The following NRG1 variants were observed in gnomAD, a reference collection of about 807,000 sequenced individuals.
NRG1 encodes the protein pro-neuregulin-1, membrane-bound isoform.
In NRG1, 18 loss-of-function variants were observed where a neutral mutation model predicts 63.8. The observed-to-expected ratio is 0.28, with a 90% CI of 0.19 to 0.42. The LOEUF (loss-of-function observed/expected upper bound fraction) is 0.42, where lower values mean the gene tolerates loss of function less well. NRG1 is among the 10% of genes least tolerant of loss of function. The probability of loss-of-function intolerance (pLI) is 1.00; values close to 1 mark genes in which losing one functional copy is unlikely to be tolerated. For synonymous variants in NRG1, 302 were observed against 301.3 expected, an observed-to-expected ratio of 1.00 and a Z score of -0.02; for missense variants, 762 against 814.7, an observed-to-expected ratio of 0.94 and a Z score of 0.79.
intron 5 of NRG1, among the ~76,000 whole-genome samples, chr8:32,681,906 T>G (rs887151336): frequency 6.6e-6 from 1 of 152,184 alleles, no homozygotes; most frequent in African/African-American, 2.4e-5. Context: ...TTTCCAAATC[T>G]CAGTGCAAAA....
At chr8:31,970,729 T>C (rs1000357226) in intron 1 of NRG1, among the ~76,000 whole-genome samples, 1 of 152,144 alleles carries the variant, frequency 6.6e-6, no homozygotes, top group African/African-American at 2.4e-5. Flanking sequence ...GTAGGACTGC[T>C]GTACCCACAG....
chr8:32,582,091 A>ATTTTATTTTATTTTATTTTG (rs1445706862), intron 1 of NRG1, among the ~76,000 whole-genome samples: 3 of 116,814 alleles, frequency 2.6e-5, no homozygotes, highest in South Asian at 3.0e-4. Context: ...ATTTTATTTT[A>ATTTTATTTTATTTTATTTTG]TTTTGTTTTG....
chr8:32,115,304 A>T (rs1832569970), intron 1 of NRG1, among the ~76,000 whole-genome samples: 1 of 151,610 alleles, frequency 6.6e-6, no homozygotes, highest in Non-Finnish European at 1.5e-5. Flanking sequence ...CTGTGTAGAT[A>T]ACTTTTGACG....
intron 1 of NRG1, among the ~76,000 whole-genome samples, chr8:31,701,523 T>A (rs1166464144): frequency 6.6e-6 from 1 of 152,040 alleles, no homozygotes; most frequent in Non-Finnish European, 1.5e-5. Flanking sequence ...ATCCATAACA[T>A]ACAGACCTGA....
At chr8:32,127,799 C>T (rs535948767) in intron 1 of NRG1, among the ~76,000 whole-genome samples, 3 of 151,684 alleles carry the variant, frequency 2.0e-5, no homozygotes, top group South Asian at 4.2e-4. Flanking sequence ...AAGAACATAC[C>T]CTCGCCATTC....
intron 1 of NRG1, among the ~76,000 whole-genome samples, chr8:31,982,148 AT>A (rs1453118199): frequency 1.3e-5 from 2 of 151,952 alleles, no homozygotes; most frequent in Non-Finnish European, 2.9e-5. Context: ...ATAGGCTCTG[AT>A]TAAGATTCTT....
intron 1 of NRG1, among the ~76,000 whole-genome samples, chr8:32,217,641 T>TG (rs1563919384): frequency 6.6e-6 from 1 of 151,886 alleles, no homozygotes; most frequent in East Asian, 1.9e-4. Flanking sequence ...AGAAATCGGG[T>TG]GAAAAAGGAG....
intron 1 of NRG1, among the ~76,000 whole-genome samples, chr8:31,845,152 A>G (rs1291448520): frequency 1.3e-5 from 2 of 152,136 alleles, no homozygotes; most frequent in East Asian, 3.9e-4. Context: ...TAAAACAGCA[A>G]AGCTTCTATG....
chr8:32,216,373 C>G (rs1005134626), intron 1 of NRG1, among the ~76,000 whole-genome samples: 4 of 148,582 alleles, frequency 2.7e-5, no homozygotes, highest in African/African-American at 9.8e-5. Flanking sequence ...TATTAAATTC[C>G]TAGAAGCACT....
chr8:32,544,087 G>A (rs1471329378), upstream of NRG1, among the ~76,000 whole-genome samples: 1 of 152,064 alleles, frequency 6.6e-6, no homozygotes, highest in Non-Finnish European at 1.5e-5. Context: ...CCTATTTATA[G>A]TGATATTATG....
At chr8:32,134,034 G>A (rs1835188989) in intron 1 of NRG1, among the ~76,000 whole-genome samples, 1 of 152,058 alleles carries the variant, frequency 6.6e-6, no homozygotes, top group African/African-American at 2.4e-5. Context: ...ACTCTGCCAA[G>A]CAGTGGTGCC....
intron 1 of NRG1, among the ~76,000 whole-genome samples, chr8:32,386,562 G>T (rs148782310): frequency 6.6e-6 from 1 of 152,240 alleles, no homozygotes; most frequent in African/African-American, 2.4e-5. Flanking sequence ...CCTGCTCTAG[G>T]AAATGTGGAT....
intron 1 of NRG1, among the ~76,000 whole-genome samples, chr8:32,481,357 T>TAAAC (rs3031218): frequency 0.62 from 94,052 of 151,038 alleles, 29,458 homozygotes; most frequent in East Asian, 0.79. Context: ...AATAAATAAA[T>TAAAC]AAACAAACAA....
intron 1 of NRG1, among the ~76,000 whole-genome samples, chr8:32,158,295 A>G (rs1230660050): frequency 5.3e-5 from 8 of 150,912 alleles, no homozygotes; most frequent in Non-Finnish European, 5.9e-5. Flanking sequence ...TAAACTCTCT[A>G]CTTATCCGTC....
At chr8:32,653,392 C>T (rs527238523) in intron 5 of NRG1, among the ~76,000 whole-genome samples, 3 of 152,170 alleles carry the variant, frequency 2.0e-5, no homozygotes, top group Non-Finnish European at 4.4e-5. Context: ...TTGACTTCCA[C>T]TCCTGTCTTT....
chr8:31,847,729 T>G (rs1826825029), intron 1 of NRG1, among the ~76,000 whole-genome samples: 1 of 152,248 alleles, frequency 6.6e-6, no homozygotes. Flanking sequence ...TGGCACCACT[T>G]GAGTTGGGCT....
At chr8:31,660,674 C>T (rs1805902888) in intron 1 of NRG1, among the ~76,000 whole-genome samples, 1 of 152,120 alleles carries the variant, frequency 6.6e-6, no homozygotes, top group African/African-American at 2.4e-5. Context: ...TTTCTGATTT[C>T]CTTTTTAATG....
At chr8:32,364,337 GT>G (rs1807663465) in intron 1 of NRG1, among the ~76,000 whole-genome samples, 1 of 151,932 alleles carries the variant, frequency 6.6e-6, no homozygotes, top group South Asian at 2.1e-4. Context: ...TTTTGTTTTA[GT>G]TTTTACCTAG....
intron 1 of NRG1, among the ~76,000 whole-genome samples, chr8:32,425,629 G>A (rs1817261353): frequency 6.6e-6 from 1 of 152,104 alleles, no homozygotes; most frequent in Admixed American, 6.6e-5. Context: ...GAGATCTAGA[G>A]CCCATATTGC....
Sources: allele counts gnomAD v4.1 joint callset (sites outside exome capture counted in the v4.1 genomes callset), GRCh38; gene constraint gnomAD v4.1.1; transcripts MANE v1.5; gene names NCBI Gene and HGNC (gene_info 2026-07-23, HGNC 2026-07-21).